The following SPPL3 variants were observed in gnomAD, a reference collection of about 807,000 sequenced individuals.
SPPL3 encodes the protein signal peptide peptidase like 3, also known as signal peptide peptidase-like 3.
A neutral mutation model predicts 42.4 loss-of-function variants in SPPL3; 5 were observed. The observed-to-expected ratio is 0.12, with a 90% CI of 0.06 to 0.25. SPPL3 has a LOEUF of 0.25. Ranked by LOEUF, SPPL3 falls within the 10% of genes least tolerant of loss-of-function variation. The probability of loss-of-function intolerance (pLI) is 1.00; values close to 1 mark genes in which losing one functional copy is unlikely to be tolerated. For synonymous variants in SPPL3, 195 were observed against 181.8 expected (o/e 1.07, Z -0.58); for missense variants, 235 against 489.0 (o/e 0.48, Z 4.90).
chr12:120,865,569 C>A (rs1872733176), intron 1 of SPPL3, among the ~76,000 whole-genome samples: 1 of 152,160 alleles, frequency 6.6e-6, no homozygotes, highest in East Asian at 1.9e-4. Flanking sequence ...AACCTGTTAC[C>A]AATATTCTAA....
In SPPL3 at chr12:120,789,976, G is replaced by A. The variant is rs1387859992; in HGVS notation, c.190+1493C>T. On this transcript the variant is annotated intron_variant, in intron 3 of 10. Transcript: ENST00000353487. ...GTAGATTTCTTTAGGTTTCTGTGAT[G>A]CAATGTACAGCAGATTTATAATTTG... Among the ~76,000 whole-genome samples, 7 of 152,044 alleles carry A rather than the reference G, an allele frequency of 4.6e-5. No individual in the cohort carries two copies. The South Asian group carries it at 8.3e-4, about 18-fold the overall frequency.
In SPPL3 at chr12:120,781,555, GTTTTTTTTTTTTTTTT is replaced by G. The variant is rs527339173; in HGVS notation, c.502+1084_502+1099del. Among the ~76,000 whole-genome samples, 51 of 63,010 alleles carry G rather than the reference GTTTTTTTTTTTTTTTT, an allele frequency of 8.1e-4. 1 individual carries two copies. Among genetic ancestry groups the G allele is most frequent in the African/African-American group, 1.6e-3 (24 of 14,642 alleles). 41.3% of individuals were successfully genotyped at this position (63,010 alleles called of 152,430 possible). ...TCTAATCCCATCTCCTTATTGTTAC[GTTTTTTTTTTTTTTTT>G]TTTTTTTTTTTTTTTTTTTTGAGAC... On this transcript the variant is annotated intron_variant, in intron 6 of 10. Transcript: ENST00000353487.
intron 1 of SPPL3, among the ~76,000 whole-genome samples, chr12:120,892,621 C>T (rs1353817732): frequency 6.6e-6 from 1 of 152,116 alleles, no homozygotes; most frequent in East Asian, 1.9e-4. Context: ...TTTTGAAAGT[C>T]AGATTGTAGA....
intron 2 of SPPL3, among the ~76,000 whole-genome samples, chr12:120,801,053 G>A (rs756573302): frequency 3.3e-5 from 5 of 152,204 alleles, no homozygotes; most frequent in Non-Finnish European, 7.3e-5. Context: ...CAGAAGGGCT[G>A]GAAATACAAG....
Position 120,819,092 on chromosome 12 carries a change from AAAG to A in SPPL3, c.24-8209_24-8207del, listed in dbSNP as rs751378426. 1.2e-3 allele frequency among the ~76,000 whole-genome samples: 189 copies of A among 152,356 alleles called. 1 individual carries two copies. The highest frequency in any genetic ancestry group is 1.5e-4 in the Non-Finnish European group (10 of 68,028). On this transcript the variant is annotated intron_variant, in intron 1 of 10. Transcript: ENST00000353487. ...AGCTTTACACAGATGGATAGTTGGA[AAAG>A]AAGGAGTACTTCATAGCCTTTTCAG...
chr12:120,810,884 G>C lies in SPPL3; in HGVS notation c.26C>G (p.Ala9Gly), dbSNP rs143911453. MAEQTYSW[A>G]YSLVDSSQVS... ...TTGACTGGAATCCACCAGGGAATAGGCCCTAGAGAAATAAGAGGAAAAAAA... is the reference window on the plus strand; with the variant it reads ...TTGACTGGAATCCACCAGGGAATAGCCCCTAGAGAAATAAGAGGAAAAAAA... Residue 9 changes from alanine (A) to glycine (G), a missense_variant and splice_region_variant, in exon 2 of 11, where the codon GCC becomes GGC. By Grantham distance (60) the Ala-to-Gly change is moderately conservative. This residue lies in a region of SPPL3 where 110 missense variants were observed against 186.2 expected (regional missense o/e 0.59). Transcript: ENST00000353487. The C allele has an allele frequency of 1.9e-6, 3 of 1,612,016 alleles. No homozygotes were observed. The highest frequency in any genetic ancestry group is 1.7e-5 in the Admixed American group (1 of 59,976).
chr12:120,853,459 T>C (rs540466513), intron 1 of SPPL3, among the ~76,000 whole-genome samples: 3 of 152,272 alleles, frequency 2.0e-5, no homozygotes, highest in Admixed American at 2.0e-4. Context: ...CTTAGTAACT[T>C]CTAAAAATGT....
At chr12:120,825,121 C>T (rs1871201322) in intron 1 of SPPL3, among the ~76,000 whole-genome samples, 1 of 151,374 alleles carries the variant, frequency 6.6e-6, no homozygotes, top group South Asian at 2.1e-4. Flanking sequence ...ACCTTAAACT[C>T]ATTTAAAAAA....
intron 1 of SPPL3, among the ~76,000 whole-genome samples, chr12:120,883,716 TG>T (rs1226249119): frequency 6.6e-6 from 1 of 152,076 alleles, no homozygotes; most frequent in Admixed American, 6.6e-5. Flanking sequence ...AAATATTGAC[TG>T]AAAAAAACAA....
At chr12:120,800,387 C>T (rs1870249655) in intron 2 of SPPL3, among the ~76,000 whole-genome samples, 1 of 152,092 alleles carries the variant, frequency 6.6e-6, no homozygotes, top group Admixed American at 6.6e-5. Context: ...CCTGTAATCC[C>T]AGCTACTCAG....
chr12:120,849,140 C>T (rs1284767249), intron 1 of SPPL3, among the ~76,000 whole-genome samples: 1 of 151,838 alleles, frequency 6.6e-6, no homozygotes, highest in East Asian at 1.9e-4. Flanking sequence ...TGCATTCCAG[C>T]CTGAGCAACA....
chr12:120,774,444 C>G (rs1387608543), intron 6 of SPPL3, among the ~76,000 whole-genome samples: 1 of 152,350 alleles, frequency 6.6e-6, no homozygotes, highest in East Asian at 1.9e-4. Context: ...GAGCACCATG[C>G]TGGCTCTGCC....
intron 4 of SPPL3, 138 bp from the exon 5 acceptor site, chr12:120,783,890 T>G (rs1476389010): frequency 1.6e-6 from 1 of 635,870 alleles, no homozygotes; most frequent in Admixed American, 3.1e-5. Context: ...CCTTTAATAC[T>G]GCACAAAAAA....
At chr12:120,800,895 A>G (rs1870273368) in intron 2 of SPPL3, among the ~76,000 whole-genome samples, 1 of 152,250 alleles carries the variant, frequency 6.6e-6, no homozygotes, top group Admixed American at 6.5e-5. Context: ...GGTGCTTTAC[A>G]GGCAAGGTTT....
intron 1 of SPPL3, among the ~76,000 whole-genome samples, chr12:120,852,370 GTATATATAA>G (rs1872259870): frequency 1.7e-5 from 1 of 58,236 alleles, no homozygotes; most frequent in Non-Finnish European, 3.9e-5. Flanking sequence ...TGAAATATAT[GTATATATAA>G]TATACATATT....
At chr12:120,885,505 A>G (rs1019248289) in intron 1 of SPPL3, among the ~76,000 whole-genome samples, 5 of 152,224 alleles carry the variant, frequency 3.3e-5, no homozygotes, top group African/African-American at 9.6e-5. Context: ...TGTGAGTACC[A>G]CTTAGAATAA....
chr12:120,768,711 G>C (rs903751275), intron 7 of SPPL3: 4 of 644,994 alleles, frequency 6.2e-6, no homozygotes, highest in Non-Finnish European at 1.1e-5. Context: ...CCACTGCAGC[G>C]AATCTTGTCA....
At chr12:120,824,486 G>A (rs1871178545) in intron 1 of SPPL3, among the ~76,000 whole-genome samples, 1 of 152,112 alleles carries the variant, frequency 6.6e-6, no homozygotes, top group Non-Finnish European at 1.5e-5. Flanking sequence ...TTCTATAGCA[G>A]AATTTAATTT....
Position 120,904,079 on chromosome 12 carries a change from G to T in SPPL3, c.-212C>A, listed in dbSNP as rs1201475256. 3.0e-6 allele frequency: 1 copy of T among 330,128 alleles called. No homozygotes were observed. Among genetic ancestry groups the T allele is most frequent in the Non-Finnish European group, 5.4e-6 (1 of 184,846 alleles). 20.4% of individuals were successfully genotyped at this position (330,128 alleles called of 1,614,324 possible). ...CGCTCCCTGGGCCCCGGGGCGGGGC[G>T]GGCTCCGCTCTCGGCCTCCCTCACC... On this transcript the variant is annotated 5_prime_UTR_variant, in exon 1 of 11. Transcript: ENST00000353487.
Sources: gnomAD v4.1 joint callset for allele counts (sites outside exome capture counted in the v4.1 genomes callset) on GRCh38, gnomAD v4.1.1 for gene constraint, gnomAD v4.1.1 regional missense constraint, MANE v1.5 for transcripts, NCBI Gene and HGNC (gene_info 2026-07-23, HGNC 2026-07-21) for gene names.